NTM: variants seen among roughly 807,000 people sequenced by gnomAD.
NTM encodes the protein IgLON family member 2.
NTM carries 13 observed loss-of-function variants against 42.1 expected under a neutral mutation model. The observed-to-expected ratio is 0.31, with a 90% CI of 0.20 to 0.49. The LOEUF is 0.49. Ranked by LOEUF, NTM falls within the 20% of genes least tolerant of loss-of-function variation. The probability of loss-of-function intolerance (pLI) is 0.99; values close to 1 mark genes in which losing one functional copy is unlikely to be tolerated. For synonymous variants in NTM, 187 were observed against 179.2 expected (o/e 1.04, Z -0.35); for missense variants, 373 against 452.8 (o/e 0.82, Z 1.60).
intron 2 of NTM, among the ~76,000 whole-genome samples, chr11:132,092,778 T>C (rs1008437497): frequency 1.3e-5 from 2 of 152,196 alleles, no homozygotes; most frequent in African/African-American, 2.4e-5. Flanking sequence ...TCAGTTTCCA[T>C]ATAGTAGTGG....
intron 1 of NTM, chr11:131,794,428 T>C (rs147478595): frequency 2.1e-6 from 2 of 962,946 alleles, no homozygotes; most frequent in Non-Finnish European, 2.5e-6. Context: ...GTAGTTTCTG[T>C]GTAAGCGAAT....
At chr11:131,585,709 G>A (rs774268298) in intron 1 of NTM, among the ~76,000 whole-genome samples, 2 of 151,994 alleles carry the variant, frequency 1.3e-5, no homozygotes, top group African/African-American at 2.4e-5. Context: ...TCAAAACACC[G>A]AGATAGAAGT....
At chr11:131,502,520 G>T (rs887912912) in intron 1 of NTM, among the ~76,000 whole-genome samples, 8 of 152,114 alleles carry the variant, frequency 5.3e-5, no homozygotes, top group African/African-American at 1.9e-4. Context: ...TGGGAGCGGG[G>T]GAAAGTGCTA....
At chr11:131,635,197 T>A (rs2064202553) in intron 1 of NTM, among the ~76,000 whole-genome samples, 1 of 152,198 alleles carries the variant, frequency 6.6e-6, no homozygotes, top group African/African-American at 2.4e-5. Context: ...AAAATGAGAC[T>A]TTTTAAAAGA....
intron 1 of NTM, among the ~76,000 whole-genome samples, chr11:131,642,602 A>G (rs2065270127): frequency 1.3e-5 from 2 of 152,144 alleles, no homozygotes; most frequent in African/African-American, 2.4e-5. Flanking sequence ...TGCTACAGAC[A>G]TGGCCCATTC....
chr11:131,990,000 A>T (rs2066741733), intron 2 of NTM, among the ~76,000 whole-genome samples: 2 of 152,154 alleles, frequency 1.3e-5, no homozygotes, highest in Admixed American at 6.6e-5. Context: ...TGGAACAATA[A>T]AGACATCCAT....
At chr11:132,319,496 T>C (rs1239867587) in intron 7 of NTM, among the ~76,000 whole-genome samples, 1 of 152,212 alleles carries the variant, frequency 6.6e-6, no homozygotes, top group African/African-American at 2.4e-5. Context: ...TGGAGGGTCC[T>C]ACACCCACGG....
intron 2 of NTM, among the ~76,000 whole-genome samples, chr11:131,973,819 A>C (rs947108687): frequency 4.6e-5 from 7 of 152,166 alleles, no homozygotes; most frequent in Non-Finnish European, 8.8e-5. Context: ...TCAGTCTGAG[A>C]AAAACAACAA....
chr11:132,050,124 T>A (rs987836898), intron 2 of NTM, among the ~76,000 whole-genome samples: 3 of 152,134 alleles, frequency 2.0e-5, no homozygotes, highest in Non-Finnish European at 4.4e-5. Context: ...ACTTTAGGGT[T>A]TAGAGAGAAA....
chr11:131,641,130 G>A (rs2065077970), intron 1 of NTM, among the ~76,000 whole-genome samples: 1 of 152,164 alleles, frequency 6.6e-6, no homozygotes, highest in Non-Finnish European at 1.5e-5. Flanking sequence ...AATCCCTCTG[G>A]TCAGACTTGC....
intron 1 of NTM, among the ~76,000 whole-genome samples, chr11:131,652,837 G>A (rs1375336015): frequency 2.6e-5 from 4 of 152,224 alleles, no homozygotes; most frequent in African/African-American, 7.2e-5. Flanking sequence ...CAGACCCTCC[G>A]ATCAGGAAGT....
chr11:132,175,831 C>T lies in NTM; in HGVS notation c.400+29317C>T, dbSNP rs534697579. On this transcript the variant is annotated intron_variant, in intron 3 of 8. Transcript: ENST00000683400. ...CACCCTTAGAAGTTCCCTACCCCCA[C>T]CTCATTCTATCTCAGGAAAATTCTC... Among the ~76,000 whole-genome samples, 16 of 152,296 alleles carry T rather than the reference C, an allele frequency of 1.1e-4. No individual in the cohort carries two copies. The South Asian group carries it at 3.3e-3, about 32-fold the overall frequency.
At chr11:131,432,839 C>CATTTTTTTTTTTTTTTTTTTTTT (rs1565494793) in intron 1 of NTM, among the ~76,000 whole-genome samples, 12 of 68,688 alleles carry the variant, frequency 1.7e-4, no homozygotes, top group Non-Finnish European at 2.3e-4. Context: ...ATTTAGCATT[C>CATTTTTTTTTTTTTTTTTTTTTT]TTTTTTTTTT....
At chr11:132,053,842 A>C (rs2135946236) in intron 2 of NTM, among the ~76,000 whole-genome samples, 1 of 152,286 alleles carries the variant, frequency 6.6e-6, no homozygotes, top group African/African-American at 2.4e-5. Context: ...GTTTCCTTCC[A>C]GGATCAGCAG....
At chr11:131,984,619 CTG>C (rs2065784618) in intron 2 of NTM, 1 of 152,196 alleles carries the variant, frequency 6.6e-6, no homozygotes, top group Non-Finnish European at 1.5e-5. Flanking sequence ...AGCCCATTTG[CTG>C]TGAGTGCATG....
chr11:131,931,876 A>G (rs1323086431), intron 2 of NTM, among the ~76,000 whole-genome samples: 1 of 152,138 alleles, frequency 6.6e-6, no homozygotes, highest in Non-Finnish European at 1.5e-5. Context: ...TACAATAGGG[A>G]ACTGGAGCAG....
chr11:131,524,850 CCT>C (rs2050236182), intron 1 of NTM, among the ~76,000 whole-genome samples: 1 of 152,156 alleles, frequency 6.6e-6, no homozygotes, highest in Admixed American at 6.5e-5. Context: ...GTGAGGATGA[CCT>C]AACTCTTTGG....
intron 1 of NTM, among the ~76,000 whole-genome samples, chr11:131,683,808 G>A (rs754536365): frequency 6.6e-6 from 1 of 152,166 alleles, no homozygotes; most frequent in Admixed American, 6.5e-5. Flanking sequence ...GGGCACTCTG[G>A]GTTGTCCTTT....
At chr11:131,847,580 C>A (rs2045063535) in intron 1 of NTM, among the ~76,000 whole-genome samples, 1 of 152,056 alleles carries the variant, frequency 6.6e-6, no homozygotes, top group Admixed American at 6.6e-5. Flanking sequence ...GAATAGAAAC[C>A]CAGCAATATT....
Sources: allele counts gnomAD v4.1 joint callset (sites outside exome capture counted in the v4.1 genomes callset), GRCh38; gene constraint gnomAD v4.1.1; transcripts MANE v1.5; gene names NCBI Gene and HGNC (gene_info 2026-07-23, HGNC 2026-07-21).